TRAF7: variants seen among roughly 807,000 people sequenced by gnomAD.
The protein encoded by TRAF7 is TNF receptor associated factor 7.
Under a neutral mutation model 89.3 loss-of-function variants are expected in TRAF7, and 45 were observed. That is an observed-to-expected ratio of 0.50 (90% CI 0.40 to 0.65). The LOEUF is 0.65. Among genes scored for constraint, TRAF7 ranks in the 30% least tolerant of loss-of-function variants. The pLI, the probability that TRAF7 is intolerant of heterozygous loss-of-function variation, is 0.00. For missense variants in TRAF7, 677 were observed against 918.1 expected (o/e 0.74, Z 3.39); for synonymous variants, 406 against 369.2 (o/e 1.10, Z -1.14).
In TRAF7 at chr16:2,161,215, C is replaced by T. The variant is rs2093057182; in HGVS notation, c.-38-2668C>T. On this transcript the variant is annotated intron_variant, in intron 1 of 20. Transcript: ENST00000326181. The surrounding 1 kb of genome is among the most constrained non-coding windows in gnomAD (Gnocchi z 5.2). ...CGTCCCCCTCCCTCCCTCCGTCCCCCTGCTTCCCTCTGCCCCCTCCCTCCC... is the reference window on the plus strand; with the variant it reads ...CGTCCCCCTCCCTCCCTCCGTCCCCTTGCTTCCCTCTGCCCCCTCCCTCCC... 7.0e-6 allele frequency among the ~76,000 whole-genome samples: 1 copy of T among 142,534 alleles called. No individual in the cohort carries two copies. Among genetic ancestry groups the T allele is most frequent in the South Asian group, 2.4e-4 (1 of 4,218 alleles). 93.5% of individuals were successfully genotyped at this position (142,534 alleles called of 152,430 possible).
chr16:2,166,033 GTGT>G, intron 3 of TRAF7, 97 bp downstream of exon 3: 1 of 1,506,268 alleles, frequency 6.6e-7, no homozygotes. Context: ...CGGTGAGCTG[GTGT>G]TGGGTGCCAG....
In TRAF7 at chr16:2,159,157, C is replaced by T. The variant is rs537830842; in HGVS notation, c.-39+3299C>T. Among the ~76,000 whole-genome samples the T allele has an allele frequency of 3.3e-5, 5 of 152,292 alleles. No homozygotes were observed. Among genetic ancestry groups the T allele is most frequent in the African/African-American group, 4.8e-5 (2 of 41,550 alleles). The stretch of plus-strand genomic sequence containing the variant: ...CCCCTCCCTGGAGCAGAGGGAGATA[C>T]GGACGCTGGAGAGGCTTGGCCAGGG... On this transcript the variant is annotated intron_variant, in intron 1 of 20. Coordinates refer to ENST00000326181, the MANE Select transcript of TRAF7 (RefSeq NM_032271.3). This position sits in a 1 kb window ranked among gnomAD's most constrained non-coding sequence, Gnocchi z 6.5.
In TRAF7 at chr16:2,161,860, G is replaced by C. The variant is rs1258794456; in HGVS notation, c.-38-2023G>C. Among the ~76,000 whole-genome samples, 2 of 152,218 alleles carry C rather than the reference G, an allele frequency of 1.3e-5. No homozygotes were observed. Among genetic ancestry groups the C allele is most frequent in the Non-Finnish European group, 2.9e-5 (2 of 68,030 alleles). On this transcript the variant is annotated intron_variant, in intron 1 of 20. Transcript: ENST00000326181. The surrounding 1 kb of genome is among the most constrained non-coding windows in gnomAD (Gnocchi z 5.2). ...CGGGATAGACATGTGCCAGGGCAGAGCAGCCTTGTAGACACACCACGACCA... is the reference window on the plus strand; with the variant it reads ...CGGGATAGACATGTGCCAGGGCAGACCAGCCTTGTAGACACACCACGACCA...
At position 2,163,621 on chromosome 16, in the gene TRAF7, G is replaced by A. The variant is rs749716788; in HGVS notation, c.-38-262G>A. ...CCTCCACCTCGGGGAAGAGCTGGAT[G>A]GGCTCTTCGGGAGCTCAGAAAGGCT... On this transcript the variant is annotated intron_variant, in intron 1 of 20. Coordinates refer to ENST00000326181, the MANE Select transcript of TRAF7 (RefSeq NM_032271.3). The surrounding 1 kb of genome is among the most constrained non-coding windows in gnomAD (Gnocchi z 4.3). 9.8e-5 allele frequency: 43 copies of A among 440,036 alleles called. No homozygotes were observed. The highest frequency in any genetic ancestry group is 1.3e-4 in the Non-Finnish European group (31 of 238,068). 27.3% of individuals were successfully genotyped at this position (440,036 alleles called of 1,614,324 possible).
At chr16:2,174,810 G>A (rs1431805056) in intron 14 of TRAF7, among the ~76,000 whole-genome samples, 3 of 152,250 alleles carry the variant, frequency 2.0e-5, no homozygotes, top group Non-Finnish European at 4.4e-5. Context: ...TCGCTTTCAG[G>A]AGGCGGCAGC....
chr16:2,176,442 G>A, intron 20 of TRAF7, 58 bp downstream of exon 20: 1 of 1,612,422 alleles, frequency 6.2e-7, no homozygotes, highest in Non-Finnish European at 8.5e-7. Flanking sequence ...GCGGGGGTGG[G>A]GACGAGGAGC....
At chr16:2,175,783 C>A in intron 17 of TRAF7, 51 bp from the exon 18 acceptor site, 3 of 1,606,580 alleles carry the variant, frequency 1.9e-6, no homozygotes, top group Non-Finnish European at 2.6e-6. Flanking sequence ...TGCGGGGGCC[C>A]TGGGGGTGAA....
At chr16:2,160,504 G>C (rs1347763172) in intron 1 of TRAF7, among the ~76,000 whole-genome samples, 1 of 135,958 alleles carries the variant, frequency 7.4e-6, no homozygotes, top group Non-Finnish European at 1.6e-5. Context: ...GTGTGGACCG[G>C]CGGGCGGTGT....
At position 2,176,781 on chromosome 16, in the gene TRAF7, G is replaced by A. The variant is rs533024994; in HGVS notation, c.*207G>A. On this transcript the variant is annotated 3_prime_UTR_variant, in exon 21 of 21. Coordinates refer to ENST00000326181, the MANE Select transcript of TRAF7 (RefSeq NM_032271.3). ...TCCTTGCTGCCCAGCCCCTCTCTGGGTGCCAGGTACGACGCTTGCCCCGGC... is the reference window on the plus strand; with the variant it reads ...TCCTTGCTGCCCAGCCCCTCTCTGGATGCCAGGTACGACGCTTGCCCCGGC... 2.8e-4 allele frequency: 208 copies of A among 734,148 alleles called. No homozygotes were observed. In the African/African-American group the frequency reaches 3.0e-3, roughly 11 times the overall value. The allele number at this position is 734,148 out of a possible 1,614,324, so 45.5% of individuals were successfully genotyped here.
At chr16:2,173,857 G>GCGGGGGCGGCCCCCC in intron 12 of TRAF7, 21 bp downstream of exon 12, 3 of 1,607,498 alleles carry the variant, frequency 1.9e-6, no homozygotes, top group Non-Finnish European at 2.5e-6. Context: ...ACCCGCCGTG[G>GCGGGGGCGGCCCCCC]CTCCCGCCCA....
At position 2,168,183 on chromosome 16, in the gene TRAF7, C is replaced by A; in HGVS notation, c.231+15C>A. The A allele has an allele frequency of 1.3e-6, 2 of 1,598,838 alleles. No individual in the cohort carries two copies. ...AGGACAGCATGGTAGGTCCCTACCC[C>A]CAGGAGCCCGTGTGAGCCTCAGCCT... On this transcript the variant is annotated intron_variant, in intron 4 of 20. Transcript: ENST00000326181. The surrounding 1 kb of genome is among the most constrained non-coding windows in gnomAD (Gnocchi z 4.1).
At chr16:2,160,359 G>T (rs2093052648) in intron 1 of TRAF7, among the ~76,000 whole-genome samples, 1 of 151,956 alleles carries the variant, frequency 6.6e-6, no homozygotes, top group Non-Finnish European at 1.5e-5. Context: ...CTTCCTCAAT[G>T]ACTTTTCTCT....
At chr16:2,174,426 GT>G (rs1482717853) in intron 14 of TRAF7, 93 bp downstream of exon 14, 1 of 1,273,250 alleles carries the variant, frequency 7.9e-7, no homozygotes, top group Non-Finnish European at 1.1e-6. Flanking sequence ...TCGAGCCTGT[GT>G]AGCTATGTGT....
chr16:2,171,323 C>T lies in TRAF7; in HGVS notation c.408C>T (p.Ser136=), dbSNP rs1364733704. 4.5e-6 allele frequency: 7 copies of T among 1,555,314 alleles called. No homozygotes were observed. Among genetic ancestry groups the T allele is most frequent in the Admixed American group, 1.9e-5 (1 of 51,686 alleles). The part of the protein sequence containing the change: ...SVKLCCQLCC[S]VFKDPVITTC... ...AGCTGTGCTGTCAGCTCTGCTGCAG[C>T]GTCTTCAAAGACCCCGTGATCACCA... Residue 136 remains serine (S), a synonymous_variant, in exon 6 of 21, where the codon AGC becomes AGT. Transcript: ENST00000326181.
chr16:2,156,113 C>G (rs982076455), intron 1 of TRAF7, among the ~76,000 whole-genome samples: 25 of 152,270 alleles, frequency 1.6e-4, no homozygotes, highest in African/African-American at 6.0e-4. Context: ...TTCCTTCTTC[C>G]TGCATTCCCC....
In TRAF7 at chr16:2,162,613, G is replaced by A. The variant is rs1004340904; in HGVS notation, c.-38-1270G>A. 6.6e-6 allele frequency among the ~76,000 whole-genome samples: 1 copy of A among 152,048 alleles called. No homozygotes were observed. Among genetic ancestry groups the A allele is most frequent in the Non-Finnish European group, 1.5e-5 (1 of 67,962 alleles). On this transcript the variant is annotated intron_variant, in intron 1 of 20. Transcript: ENST00000326181. The surrounding 1 kb of genome is among the most constrained non-coding windows in gnomAD (Gnocchi z 5.0). ...CTTGGTTTGCAGCCCGGCTTCCCCA[G>A]GGTGAGAGCAGGGCCGCAGGAGTGG... is the stretch of plus-strand genomic sequence containing the variant.
In TRAF7 at chr16:2,173,390, C is replaced by T; in HGVS notation, c.1003C>T (p.Leu335Phe). ...KIDQLEKSLE[L>F]KFDVLDENQS... is the part of the protein sequence containing the mutation. Reference sequence around the variant, plus strand: ...CGACCAGCTAGAGAAGAGCCTGGAGCTCAAGTTTGGTGAGGGTGGGCACCG... The same window carrying T: ...CGACCAGCTAGAGAAGAGCCTGGAGTTCAAGTTTGGTGAGGGTGGGCACCG... The change falls in exon 10 of 21, where the codon CTC (leucine) becomes TTC (phenylalanine). Residue 335 changes from leucine (L) to phenylalanine (F), a missense_variant. Transcript: ENST00000326181. 1 of 1,613,344 alleles carries T rather than the reference C, an allele frequency of 6.2e-7. No individual in the cohort carries two copies. The highest frequency in any genetic ancestry group is 8.5e-7 in the Non-Finnish European group (1 of 1,179,868).
In TRAF7 at chr16:2,164,139, G is replaced by GGTGTGTGTGTGT. The variant is rs376580813; in HGVS notation, c.81+148_81+159dup. 5.1e-3 allele frequency: 2,771 copies of GGTGTGTGTGTGT among 543,034 alleles called. 8 individuals are homozygous for GGTGTGTGTGTGT. Among genetic ancestry groups the GGTGTGTGTGTGT allele is most frequent in the Admixed American group, 6.9e-3 (202 of 29,126 alleles). The allele number at this position is 543,034 out of a possible 1,614,324, so 33.6% of individuals were successfully genotyped here. On this transcript the variant is annotated intron_variant, in intron 2 of 20. Coordinates refer to ENST00000326181, the MANE Select transcript of TRAF7 (RefSeq NM_032271.3). ...AGGGGAGCTCGGTGGGGGGGGGTGT[G>GGTGTGTGTGTGT]GTGTGTGTGTGTGTGTGTGTGCGCG...
Position 2,157,474 on chromosome 16 carries a change from G to A in TRAF7, c.-39+1616G>A, listed in dbSNP as rs151050631. On this transcript the variant is annotated intron_variant, in intron 1 of 20. Transcript: ENST00000326181. ...TTGGCACCCACCGAAAAGTGCCTTT[G>A]GCAGATTGAGTGGCGATTGGTGGGG... Among the ~76,000 whole-genome samples the A allele has an allele frequency of 4.4e-3, 667 of 152,300 alleles. 9 individuals carry two copies. Among genetic ancestry groups the A allele is most frequent in the African/African-American group, 0.015 (637 of 41,564 alleles).
Sources: gnomAD v4.1 joint callset for allele counts (sites outside exome capture counted in the v4.1 genomes callset) on GRCh38, gnomAD v4.1.1 for gene constraint, Gnocchi (gnomAD v3.1) non-coding constraint, MANE v1.5 for transcripts, NCBI Gene and HGNC (gene_info 2026-07-23, HGNC 2026-07-21) for gene names.